NAF1: variants seen among roughly 807,000 people sequenced by gnomAD.
NAF1 encodes the protein H/ACA ribonucleoprotein complex non-core subunit NAF1.
A neutral mutation model predicts 40.6 loss-of-function variants in NAF1; 11 were observed. The ratio of observed to expected loss-of-function variants is 0.27; its 90% CI spans 0.17 to 0.45. The LOEUF is 0.45. NAF1 is among the 20% of genes least tolerant of loss of function. NAF1 has a pLI of 1.00. For synonymous variants in NAF1, 260 were observed against 228.5 expected, an observed-to-expected ratio of 1.14 and a Z score of -1.24; for missense variants, 607 against 611.1, an observed-to-expected ratio of 0.99 and a Z score of 0.07.
At position 163,164,411 on chromosome 4, in the gene NAF1, TA is replaced by T. The variant is rs750566894; in HGVS notation, c.366-21del. The stretch of plus-strand genomic sequence containing the variant: ...GTTTCACTGTAGGGAAGAAAACAGT[TA>T]AAAAAATAGTCCAGTATTATTATAC... On this transcript the variant is annotated intron_variant, in intron 1 of 7. Coordinates refer to ENST00000274054, the MANE Select transcript of NAF1 (RefSeq NM_138386.3). The T allele has an allele frequency of 5.4e-6, 8 of 1,488,350 alleles. No homozygotes were observed. Among genetic ancestry groups the T allele is most frequent in the South Asian group, 2.8e-5 (2 of 71,434 alleles). 92.2% of individuals were successfully genotyped at this position (1,488,350 alleles called of 1,614,324 possible).
At chr4:163,129,467 G>T in intron 7 of NAF1, 119 bp from the exon 8 acceptor site, 1 of 1,067,214 alleles carries the variant, frequency 9.4e-7, no homozygotes, top group Non-Finnish European at 1.3e-6. Context: ...AGTTAAAAAA[G>T]TGTAAGACAT....
chr4:163,144,686 A>G (rs1731389596), intron 4 of NAF1, among the ~76,000 whole-genome samples: 1 of 152,258 alleles, frequency 6.6e-6, no homozygotes, highest in South Asian at 2.1e-4. Flanking sequence ...ATTTAGAAAT[A>G]GATTTAATTT....
downstream of NAF1, among the ~76,000 whole-genome samples, chr4:163,128,460 A>G (rs952892185): frequency 5.9e-5 from 9 of 152,146 alleles, no homozygotes; most frequent in Non-Finnish European, 1.3e-4. Flanking sequence ...AATTACATTT[A>G]TAATTAAAAT....
chr4:163,155,008 C>T (rs1029191935), intron 2 of NAF1, among the ~76,000 whole-genome samples: 2 of 152,024 alleles, frequency 1.3e-5, no homozygotes, highest in African/African-American at 4.8e-5. Context: ...TCAGAGAGAA[C>T]TTTAGAAGGT....
At chr4:163,127,496 T>G (rs1444756331), downstream of NAF1, among the ~76,000 whole-genome samples, 1 of 152,230 alleles carries the variant, frequency 6.6e-6, no homozygotes, top group African/African-American at 2.4e-5. Context: ...AACATGTTAC[T>G]GTTCCCATTC....
downstream of NAF1, among the ~76,000 whole-genome samples, chr4:163,123,175 C>T (rs1208335693): frequency 2.6e-5 from 4 of 152,162 alleles, no homozygotes; most frequent in Non-Finnish European, 5.9e-5. Flanking sequence ...GCAGTTATGT[C>T]ACACGGTGAG....
intron 2 of NAF1, among the ~76,000 whole-genome samples, chr4:163,151,490 A>T (rs1024796025): frequency 1.3e-5 from 2 of 152,038 alleles, no homozygotes; most frequent in Non-Finnish European, 2.9e-5. Context: ...GCTGTAGAAT[A>T]ATCCATCTTT....
intron 2 of NAF1, among the ~76,000 whole-genome samples, chr4:163,155,198 C>A (rs746949277): frequency 2.0e-5 from 3 of 152,192 alleles, no homozygotes; most frequent in Non-Finnish European, 4.4e-5. Flanking sequence ...ATCAAACTAT[C>A]CTGCTGCTTT....
At chr4:163,153,749 G>A (rs1579178402) in intron 2 of NAF1, among the ~76,000 whole-genome samples, 2 of 152,274 alleles carry the variant, frequency 1.3e-5, no homozygotes, top group South Asian at 2.1e-4. Flanking sequence ...CAATCAGCAG[G>A]ATGTGGGTGG....
chr4:163,143,985 G>C (rs1026107533), intron 4 of NAF1: 1 of 969,430 alleles, frequency 1.0e-6, no homozygotes, highest in African/African-American at 1.8e-5. Flanking sequence ...CTTGAAATAT[G>C]TCATGAGAAC....
At chr4:163,108,127 T>G (rs1037549902), downstream of NAF1, among the ~76,000 whole-genome samples, 1 of 152,208 alleles carries the variant, frequency 6.6e-6, no homozygotes, top group Non-Finnish European at 1.5e-5. Context: ...GCGATGTAAG[T>G]AAGGAAATAA....
intron 2 of NAF1, among the ~76,000 whole-genome samples, chr4:163,111,543 T>C (rs1730160168): frequency 6.6e-6 from 1 of 152,156 alleles, no homozygotes; most frequent in African/African-American, 2.4e-5. Flanking sequence ...AGAATTCATT[T>C]TGGACGTTAA....
intron 2 of NAF1, among the ~76,000 whole-genome samples, chr4:163,111,111 T>C (rs896579970): frequency 1.3e-5 from 2 of 152,214 alleles, no homozygotes; most frequent in Admixed American, 6.5e-5. Flanking sequence ...ATTGCATAAC[T>C]ACCTTTTGTT....
At chr4:163,151,743 T>TAC (rs1336957021) in intron 2 of NAF1, among the ~76,000 whole-genome samples, 1 of 152,154 alleles carries the variant, frequency 6.6e-6, no homozygotes, top group Non-Finnish European at 1.5e-5. Context: ...TTTATCTCAC[T>TAC]ACACTTCAGA....
At chr4:163,140,090 ATAT>A (rs1262117804) in intron 5 of NAF1, 130 bp downstream of exon 5, 7 of 651,578 alleles carry the variant, frequency 1.1e-5, no homozygotes, top group Admixed American at 1.0e-4. Flanking sequence ...GGCTTCAAAG[ATAT>A]TATTAGGAAG....
chr4:163,107,948 C>T (rs543091437), downstream of NAF1, among the ~76,000 whole-genome samples: 293 of 152,148 alleles, frequency 1.9e-3, no homozygotes, highest in Non-Finnish European at 3.6e-3. Context: ...CGATATTGCC[C>T]TCTTTGATAA....
intron 2 of NAF1, among the ~76,000 whole-genome samples, chr4:163,111,866 A>G (rs1467987657): frequency 6.6e-6 from 1 of 152,186 alleles, no homozygotes; most frequent in African/African-American, 2.4e-5. Context: ...GCCAAGTGGG[A>G]AACATTTTAA....
downstream of NAF1, chr4:163,127,234 A>G: frequency 7.5e-7 from 1 of 1,327,210 alleles, no homozygotes; most frequent in Non-Finnish European, 9.8e-7. Context: ...GGTTCAAATA[A>G]TTCTCCTGCC....
chr4:163,139,155 T>A (rs916617895), intron 5 of NAF1, among the ~76,000 whole-genome samples: 2 of 152,144 alleles, frequency 1.3e-5, no homozygotes, highest in African/African-American at 4.8e-5. Flanking sequence ...GTATAAGTAA[T>A]CTTCTTATGC....
Sources: allele counts gnomAD v4.1 joint callset (sites outside exome capture counted in the v4.1 genomes callset), GRCh38; gene constraint gnomAD v4.1.1; transcripts MANE v1.5; gene names NCBI Gene and HGNC (gene_info 2026-07-23, HGNC 2026-07-21).